The following ITGB8 variants were observed in gnomAD, a reference collection of about 807,000 sequenced individuals.
ITGB8 encodes integrin beta-8.
A neutral mutation model predicts 89.5 loss-of-function variants in ITGB8; 30 were observed. That is an observed-to-expected ratio of 0.34 (90% confidence interval 0.25 to 0.45). The LOEUF is 0.45. ITGB8 is among the 20% of genes least tolerant of loss of function. The pLI, the probability that ITGB8 is intolerant of heterozygous loss-of-function variation, is 1.00. For missense variants in ITGB8, 836 were observed against 933.3 expected, an observed-to-expected ratio of 0.90 and a Z score of 1.36; for synonymous variants, 335 against 320.4, an observed-to-expected ratio of 1.05 and a Z score of -0.49.
chr7:20,339,363 C>T (rs1784680423), intron 1 of ITGB8, among the ~76,000 whole-genome samples: 1 of 152,026 alleles, frequency 6.6e-6, no homozygotes, highest in African/African-American at 2.4e-5. Flanking sequence ...TATTTTTCGA[C>T]TTAAAGTGAA....
intron 6 of ITGB8, among the ~76,000 whole-genome samples, chr7:20,389,879 T>C (rs897674215): frequency 6.6e-6 from 1 of 151,628 alleles, no homozygotes; most frequent in Non-Finnish European, 1.5e-5. Context: ...TTCTTAAGAA[T>C]TGCTCTGAGA....
chr7:20,334,506 T>C (rs1784512888), intron 1 of ITGB8, among the ~76,000 whole-genome samples: 1 of 152,162 alleles, frequency 6.6e-6, no homozygotes, highest in African/African-American at 2.4e-5. Context: ...AAATTTCACC[T>C]TCTGTTTATT....
At chr7:20,387,964 C>A (rs1263975987) in intron 6 of ITGB8, among the ~76,000 whole-genome samples, 1 of 152,136 alleles carries the variant, frequency 6.6e-6, no homozygotes, top group Non-Finnish European at 1.5e-5. Context: ...GTTTTTATAT[C>A]TTATTACAAT....
intron 1 of ITGB8, among the ~76,000 whole-genome samples, chr7:20,336,704 T>C (rs952999395): frequency 1.3e-5 from 2 of 152,174 alleles, no homozygotes; most frequent in Non-Finnish European, 2.9e-5. Context: ...TAGCTCCCCA[T>C]TGTCTTCAGG....
At chr7:20,338,600 C>A (rs1784650968) in intron 1 of ITGB8, among the ~76,000 whole-genome samples, 1 of 152,026 alleles carries the variant, frequency 6.6e-6, no homozygotes, top group Admixed American at 6.5e-5. Context: ...GCACTCCAGG[C>A]CTGGGCAACA....
intron 1 of ITGB8, among the ~76,000 whole-genome samples, chr7:20,344,402 C>T (rs993256729): frequency 3.9e-5 from 6 of 152,092 alleles, no homozygotes; most frequent in East Asian, 1.9e-4. Flanking sequence ...GTGTATTTTG[C>T]GAGATGGTCT....
At chr7:20,345,297 G>C (rs1784885920) in intron 1 of ITGB8, among the ~76,000 whole-genome samples, 1 of 152,004 alleles carries the variant, frequency 6.6e-6, no homozygotes, top group South Asian at 2.1e-4. Context: ...ACAAGTGTGT[G>C]GAAAGTACCA....
chr7:20,406,949 C>T (rs1787568013), intron 12 of ITGB8, among the ~76,000 whole-genome samples: 1 of 151,894 alleles, frequency 6.6e-6, no homozygotes, highest in African/African-American at 2.4e-5. Context: ...TTTGTAAAAG[C>T]AGATCATCAT....
chr7:20,349,766 C>A lies in ITGB8; in HGVS notation c.128-13871C>A, dbSNP rs182644732. Among the ~76,000 whole-genome samples, 19 of 152,338 alleles carry A rather than the reference C, an allele frequency of 1.2e-4. No homozygotes were observed. The East Asian group carries it at 2.7e-3, about 22-fold the overall frequency. On this transcript the variant is annotated intron_variant, in intron 1 of 13. Transcript: ENST00000222573. ...TCATAGTTTAATGTTTTGCTATACA[C>A]TGGCGGGAAAGAAATATATTCCTTC...
intron 6 of ITGB8, among the ~76,000 whole-genome samples, chr7:20,386,978 C>T (rs1159204764): frequency 6.6e-6 from 1 of 152,092 alleles, no homozygotes; most frequent in East Asian, 1.9e-4. Flanking sequence ...TGCCAGGAGC[C>T]ACAAACTCAA....
intron 6 of ITGB8, among the ~76,000 whole-genome samples, chr7:20,386,405 ATTTTTTTTTT>A (rs759304002): frequency 8.3e-4 from 67 of 80,358 alleles, no homozygotes; most frequent in Middle Eastern, 9.3e-3. Flanking sequence ...CACCTGGCTA[ATTTTTTTTTT>A]TTTTTTTTTT....
Position 20,394,884 on chromosome 7 carries a change from T to C in ITGB8, c.1057-12T>C. The stretch of plus-strand genomic sequence containing the variant: ...ATTGTCATTGTTTAAATGCTACTGA[T>C]ATGTTTTATAGGATCTTCTACCCCT... On this transcript the variant is annotated splice_polypyrimidine_tract_variant and intron_variant, in intron 7 of 13. Transcript: ENST00000222573. 1.3e-6 allele frequency: 2 copies of C among 1,574,328 alleles called. No homozygotes were observed. Among genetic ancestry groups the C allele is most frequent in the East Asian group, 2.2e-5 (1 of 44,664 alleles).
chr7:20,394,309 C>T (rs1369010551), intron 7 of ITGB8, among the ~76,000 whole-genome samples: 1 of 152,174 alleles, frequency 6.6e-6, no homozygotes, highest in Non-Finnish European at 1.5e-5. Context: ...AGCCTTTGCT[C>T]ATTCTCCCTA....
intron 3 of ITGB8, among the ~76,000 whole-genome samples, chr7:20,371,735 A>C (rs546281704): frequency 2.8e-4 from 43 of 152,344 alleles, no homozygotes; most frequent in Admixed American, 4.6e-4. Flanking sequence ...ATCTTCACTG[A>C]AACTTATTAT....
chr7:20,339,002 G>A (rs1237446980), intron 1 of ITGB8, among the ~76,000 whole-genome samples: 3 of 152,078 alleles, frequency 2.0e-5, no homozygotes, highest in Admixed American at 6.5e-5. Context: ...GACCAGCCTG[G>A]TGAACAGGGT....
chr7:20,404,758 G>T lies in ITGB8; in HGVS notation c.1818G>T (p.Thr606=). 1.2e-6 allele frequency: 2 copies of T among 1,613,780 alleles called. No homozygotes were observed. Among genetic ancestry groups the T allele is most frequent in the Non-Finnish European group, 1.7e-6 (2 of 1,179,714 alleles). ...GCCAAGTGTGCAGTGGAAGAGGCAC[G>T]TGTGTGTGTGGAAGGTGTGAGTGCA... ...SKGQVCSGRG[T]CVCGRCECTD... The change falls in exon 11 of 14, where the codon ACG becomes ACT. Residue 606 remains threonine (T), a synonymous_variant. Transcript: ENST00000222573.
Position 20,335,175 on chromosome 7 carries a change from G to A in ITGB8, c.127+3242G>A, listed in dbSNP as rs992282685. 3.9e-5 allele frequency among the ~76,000 whole-genome samples: 6 copies of A among 152,178 alleles called. No individual in the cohort carries two copies. The South Asian group carries it at 1.2e-3, about 32-fold the overall frequency. On this transcript the variant is annotated intron_variant, in intron 1 of 13. Coordinates refer to ENST00000222573, the MANE Select transcript of ITGB8 (RefSeq NM_002214.3). ...TCAGTAAATAAAAATACTACTGGAG[G>A]AGGAACACACTGTAACTAATCTTAA...
At position 20,409,628 on chromosome 7, in the gene ITGB8, C is replaced by A. The variant is rs769828082; in HGVS notation, c.2037C>A (p.Ser679Arg). The change falls in exon 13 of 14, where the codon AGC (serine) becomes AGA (arginine). Residue 679 changes from serine (S) to arginine (R), a missense_variant. Transcript: ENST00000222573. ...GCTTCATTACAGAATGTTTCTCCAG[C>A]CCAAGCTACTTGAGAATATTTTTCA... ...YVDQTSECFS[S>R]PSYLRIFFII... 5 of 1,604,836 alleles carry A rather than the reference C, an allele frequency of 3.1e-6. No homozygotes were observed. In the Admixed American group the frequency reaches 8.6e-5, roughly 27 times the overall value.
intron 1 of ITGB8, chr7:20,346,767 C>A: frequency 3.0e-6 from 3 of 985,200 alleles, no homozygotes. Flanking sequence ...GACGATTATA[C>A]CTGAAGGGGG....
Sources: allele counts gnomAD v4.1 joint callset (sites outside exome capture counted in the v4.1 genomes callset), GRCh38; gene constraint gnomAD v4.1.1; transcripts MANE v1.5; gene names NCBI Gene and HGNC (gene_info 2026-07-23, HGNC 2026-07-21).